Variants in MYH15 observed in about 807,000 individuals in gnomAD.
The protein encoded by MYH15 is myosin-15.
Under a neutral mutation model 240.5 loss-of-function variants are expected in MYH15, and 227 were observed. The observed-to-expected ratio is 0.94, with a 90% CI of 0.85 to 1.05. The LOEUF (loss-of-function observed/expected upper bound fraction) is 1.05, where lower values mean the gene tolerates loss of function less well. Ranked by LOEUF, MYH15 falls within the 50% of genes least tolerant of loss-of-function variation. The pLI is 0.00. For synonymous variants in MYH15, 785 were observed against 796.7 expected (o/e 0.99, Z 0.25); for missense variants, 2,217 against 2,247.5 (o/e 0.99, Z 0.27).
chr3:108,442,009 A>G (rs368842076), intron 22 of MYH15, among the ~76,000 whole-genome samples: 14 of 152,200 alleles, frequency 9.2e-5, no homozygotes, highest in African/African-American at 2.9e-4. Flanking sequence ...AGCACCTTTC[A>G]TAACTTTAGA....
intron 40 of MYH15, among the ~76,000 whole-genome samples, chr3:108,382,192 A>C (rs2082348887): frequency 6.6e-6 from 1 of 152,170 alleles, no homozygotes; most frequent in Non-Finnish European, 1.5e-5. Flanking sequence ...TCTGCAGAGA[A>C]GACCCTAAAT....
the MYH15 span, chr3:108,550,414 C>T: frequency 6.6e-6 from 1 of 151,158 alleles, no homozygotes; most frequent in Non-Finnish European, 1.5e-5. Flanking sequence ...TGATCTGGAC[C>T]ACTATGCAAC....
At chr3:108,424,700 G>C (rs778543627) in intron 27 of MYH15, among the ~76,000 whole-genome samples, 17 of 152,192 alleles carry the variant, frequency 1.1e-4, no homozygotes, top group Non-Finnish European at 1.9e-4. Context: ...GTACCACTCA[G>C]CATTGGCATT....
At chr3:108,398,145 A>G (rs1308269973) in intron 35 of MYH15, among the ~76,000 whole-genome samples, 1 of 152,208 alleles carries the variant, frequency 6.6e-6, no homozygotes, top group Non-Finnish European at 1.5e-5. Context: ...GACCTTAATC[A>G]AATATGACTG....
intron 25 of MYH15, 43 bp from the exon 26 acceptor site, chr3:108,430,965 A>C (rs2107561795): frequency 7.3e-7 from 1 of 1,370,670 alleles, no homozygotes; most frequent in East Asian, 2.3e-5. Flanking sequence ...CAGAATAATA[A>C]CATTTTGTTT....
chr3:108,400,655 AAAT>A (rs566042100), intron 33 of MYH15, among the ~76,000 whole-genome samples: 231 of 152,194 alleles, frequency 1.5e-3, no homozygotes, highest in African/African-American at 5.3e-3. Context: ...CTAAAAATAC[AAAT>A]ATTAGCCAGG....
Position 108,493,161 on chromosome 3 carries a change from A to G in MYH15, c.728T>C (p.Met243Thr), listed in dbSNP as rs746036501. 1.2e-6 allele frequency: 2 copies of G among 1,614,162 alleles called. No individual in the cohort carries two copies. The highest frequency in any genetic ancestry group is 8.5e-7 in the Non-Finnish European group (1 of 1,179,990). ...NSSRFGKFIR[M>T]HFGARGMLSS... ...CAGCATGCCTCTGGCACCAAAGTGC[A>G]TCCTGATGAATTTGCCCTAGTGTGG... Residue 243 changes from methionine (M) to threonine (T), a missense_variant, in exon 8 of 41, where the codon ATG becomes ACG. Transcript: ENST00000693548.
rs1464120486 is a variant in MYH15, at chr3:108,464,669, G to A, written c.1700C>T (p.Ala567Val). The A allele has an allele frequency of 1.5e-5, 25 of 1,613,342 alleles. No homozygotes were observed. The highest frequency in any genetic ancestry group is 2.1e-5 in the Non-Finnish European group (25 of 1,179,658). Reference protein sequence around the residue: ...KPKPDKKKFEAHFELVHYAGV... With the variant: ...KPKPDKKKFEVHFELVHYAGV... ...TGCATAATGGACAAGTTCAAAATGA[G>A]CTTCAAATTTCTTCTTATCAGGCTT... The change falls in exon 15 of 41, where the codon GCT (alanine) becomes GTT (valine). Residue 567 changes from alanine to valine, a missense_variant. Coordinates refer to ENST00000693548, the MANE Select transcript of MYH15 (RefSeq NM_014981.3).
intron 18 of MYH15, among the ~76,000 whole-genome samples, chr3:108,458,177 G>T (rs934863037): frequency 1.3e-5 from 2 of 152,072 alleles, no homozygotes; most frequent in Admixed American, 6.5e-5. Flanking sequence ...CTTTTCTTAT[G>T]ACTTTGTCTT....
At chr3:108,387,823 TTAA>T (rs1212336113) in intron 38 of MYH15, among the ~76,000 whole-genome samples, 1 of 152,202 alleles carries the variant, frequency 6.6e-6, no homozygotes, top group African/African-American at 2.4e-5. Flanking sequence ...AAGGAACCGC[TTAA>T]TAATAAAAGA....
At chr3:108,514,032 G>A (rs1361601517), upstream of MYH15, among the ~76,000 whole-genome samples, 2 of 152,162 alleles carry the variant, frequency 1.3e-5, no homozygotes, top group South Asian at 2.1e-4. Context: ...TAAAGACAAA[G>A]AATGGGAAGC....
chr3:108,448,730 C>G (rs984662241), intron 21 of MYH15, among the ~76,000 whole-genome samples: 7 of 151,568 alleles, frequency 4.6e-5, no homozygotes, highest in Non-Finnish European at 7.4e-5. Flanking sequence ...AGGTCAGGAA[C>G]AAGACAAGAA....
chr3:108,418,794 C>T (rs941620761), intron 28 of MYH15, among the ~76,000 whole-genome samples: 6 of 151,748 alleles, frequency 4.0e-5, no homozygotes, highest in African/African-American at 1.5e-4. Flanking sequence ...CAGAGTCTCA[C>T]TCTGTTGCCC....
At chr3:108,383,803 A>C (rs1488731618) in intron 39 of MYH15, 74 bp from the exon 40 acceptor site, 12 of 1,199,580 alleles carry the variant, frequency 1.0e-5, no homozygotes, top group Non-Finnish European at 1.3e-5. Flanking sequence ...CTGCTCTGAC[A>C]TGAGAAAGTT....
chr3:108,476,284 A>T, intron 12 of MYH15, 113 bp downstream of exon 12: 4 of 639,710 alleles, frequency 6.3e-6, no homozygotes, highest in Admixed American at 2.9e-5. Context: ...TTGCTTATTT[A>T]TAGAAGCTTT....
chr3:108,420,972 C>A, intron 28 of MYH15, 116 bp downstream of exon 28: 1 of 1,430,728 alleles, frequency 7.0e-7, no homozygotes, highest in Non-Finnish European at 9.6e-7. Flanking sequence ...GCATTCCTCC[C>A]CTAGGATCTT....
chr3:108,493,683 C>A (rs1340594436), intron 7 of MYH15, among the ~76,000 whole-genome samples: 1 of 152,086 alleles, frequency 6.6e-6, no homozygotes, highest in African/African-American at 2.4e-5. Flanking sequence ...GCAGCTACTG[C>A]AACAGCTCTG....
chr3:108,428,388 C>T, intron 27 of MYH15, 104 bp downstream of exon 27: 2 of 1,331,104 alleles, frequency 1.5e-6, no homozygotes, highest in East Asian at 2.3e-5. Context: ...AGAAAATACA[C>T]TGAGTCACTA....
At chr3:108,384,584 G>C in intron 39 of MYH15, 103 bp downstream of exon 39, 1 of 1,016,770 alleles carries the variant, frequency 9.8e-7, no homozygotes, top group Non-Finnish European at 1.5e-6. Flanking sequence ...AAGCTGAGCA[G>C]GTCCTCTCTG....
Sources: gnomAD v4.1 joint callset for allele counts (sites outside exome capture counted in the v4.1 genomes callset) on GRCh38, gnomAD v4.1.1 for gene constraint, MANE v1.5 for transcripts, NCBI Gene and HGNC (gene_info 2026-07-23, HGNC 2026-07-21) for gene names.